Variants in UBE2C observed in about 807,000 individuals in gnomAD.
The protein encoded by UBE2C is ubiquitin-conjugating enzyme E2 C.
A neutral mutation model predicts 23.5 loss-of-function variants in UBE2C; 16 were observed. The ratio of observed to expected loss-of-function variants is 0.68; its 90% CI spans 0.46 to 1.03. The LOEUF is 1.03. Among genes scored for constraint, UBE2C ranks in the 50% least tolerant of loss-of-function variants. UBE2C has a pLI of 0.00. For synonymous variants in UBE2C, 76 were observed against 91.6 expected (o/e 0.83, Z 0.97); for missense variants, 192 against 227.6 (o/e 0.84, Z 1.01).
At chr20:45,816,073 A>G (rs972977900) in intron 5 of UBE2C, among the ~76,000 whole-genome samples, 160 bp downstream of exon 5, 5 of 152,192 alleles carry the variant, frequency 3.3e-5, no homozygotes, top group Non-Finnish European at 2.9e-5. Context: ...CCTATTTGCT[A>G]TAAAATAGCA....
chr20:45,814,053 C>G (rs964118005), intron 2 of UBE2C, among the ~76,000 whole-genome samples: 1 of 151,262 alleles, frequency 6.6e-6, no homozygotes, highest in Non-Finnish European at 1.5e-5. Context: ...TGCGGTGAGC[C>G]GAGCGCACCA....
At chr20:45,812,918 G>A in intron 1 of UBE2C, 122 bp downstream of exon 1, 3 of 1,443,436 alleles carry the variant, frequency 2.1e-6, no homozygotes, top group Admixed American at 5.3e-5. Flanking sequence ...GCGGGTGCAG[G>A]AGAACACACC....
Position 45,814,271 on chromosome 20 carries a change from C to CATATATATAT in UBE2C, c.130-93_130-84dup, listed in dbSNP as rs3080107. 371 of 391,436 alleles carry CATATATATAT rather than the reference C, an allele frequency of 9.5e-4. 5 individuals are homozygous for CATATATATAT. Among genetic ancestry groups the CATATATATAT allele is most frequent in the Middle Eastern group, 4.4e-3 (5 of 1,138 alleles). 24.2% of individuals were successfully genotyped at this position (391,436 alleles called of 1,614,324 possible). A position where few individuals can be genotyped will look rare whatever the true frequency, so the allele number is the denominator to read the frequency against. On this transcript the variant is annotated intron_variant, in intron 2 of 5. Coordinates refer to ENST00000356455, the MANE Select transcript of UBE2C (RefSeq NM_007019.4). ...ATATATGTGTGTGTGTGTATGTGAG[C>CATATATATAT]ATATATATATATATATATATATATA...
In UBE2C at chr20:45,815,657, TA is replaced by T. The variant is rs759441937; in HGVS notation, c.335del (p.Asn112ThrfsTer7). The T allele has an allele frequency of 1.9e-6, 3 of 1,613,888 alleles. No individual in the cohort carries two copies. The African/African-American group carries it at 4.0e-5, about 22-fold the overall frequency. Reference protein sequence around the residue: ...CYHPNVDTQGNICLDILKEKW... With the variant: ...CYHPNVDTQGXICLDILKEKW... Reference sequence around the variant, plus strand: ...ATCACCCCAACGTGGACACCCAGGGTAACATATGCCTGGACATCCTGAAGGA... The same window carrying T: ...ATCACCCCAACGTGGACACCCAGGGTACATATGCCTGGACATCCTGAAGGA... On this transcript the variant is annotated frameshift_variant, in exon 4 of 6. Transcript: ENST00000356455. LOFTEE classifies it high-confidence loss of function.
intron 2 of UBE2C, 100 bp from the exon 3 acceptor site, chr20:45,814,284 A>ATG: frequency 9.7e-6 from 1 of 103,046 alleles, no homozygotes; most frequent in South Asian, 1.9e-4. Context: ...ATATATATAT[A>ATG]TATATATATA....
intron 2 of UBE2C, among the ~76,000 whole-genome samples, chr20:45,814,128 ATCTCTC>A (rs10644383): frequency 2.1e-5 from 3 of 140,978 alleles, no homozygotes; most frequent in African/African-American, 5.6e-5. Flanking sequence ...CTCTCTCTCA[ATCTCTC>A]TCTCTCTCTC....
Position 45,814,146 on chromosome 20 carries a change from C to CTATATATA in UBE2C, c.130-230_130-223dup, listed in dbSNP as rs1555817446. Among the ~76,000 whole-genome samples the CTATATATA allele has an allele frequency of 9.7e-5, 13 of 133,896 alleles. 1 individual carries two copies. Among genetic ancestry groups the CTATATATA allele is most frequent in the African/African-American group, 3.5e-4 (13 of 36,672 alleles). 87.8% of individuals were successfully genotyped at this position (133,896 alleles called of 152,430 possible). A position where few individuals can be genotyped will look rare whatever the true frequency, so the allele number is the denominator to read the frequency against. ...TCTCTCAATCTCTCTCTCTCTCTCT[C>CTATATATA]TATATATATATATATGTAAATATAT... On this transcript the variant is annotated intron_variant, in intron 2 of 5. Transcript: ENST00000356455.
At chr20:45,815,936 C>CA (rs1982506698) in intron 5 of UBE2C, 23 bp downstream of exon 5, 1 of 1,612,808 alleles carries the variant, frequency 6.2e-7, no homozygotes, top group Non-Finnish European at 8.5e-7. Flanking sequence ...TCCTTGAGCC[C>CA]AGGGTGATCC....
Position 45,813,160 on chromosome 20 carries a change from G to A in UBE2C, c.102-277G>A, listed in dbSNP as rs1982086826. 45 of 1,408,096 alleles carry A rather than the reference G, an allele frequency of 3.2e-5. No homozygotes were observed. In the South Asian group the frequency reaches 7.3e-4, roughly 23 times the overall value. 87.2% of individuals were successfully genotyped at this position (1,408,096 alleles called of 1,614,324 possible). On this transcript the variant is annotated intron_variant, in intron 1 of 5. Transcript: ENST00000356455. ...GACCCTCGTGACTTGGCCGAGACAGGGGAAGGGAGAAGTTGAGTCGGGCAA... is the reference window on the plus strand; with the variant it reads ...GACCCTCGTGACTTGGCCGAGACAGAGGAAGGGAGAAGTTGAGTCGGGCAA...
chr20:45,812,914 G>A (rs978369708), intron 1 of UBE2C, 118 bp downstream of exon 1: 1 of 1,442,330 alleles, frequency 6.9e-7, no homozygotes, highest in Non-Finnish European at 9.1e-7. Flanking sequence ...ATCTGCGGGT[G>A]CAGGAGAACA....
intron 5 of UBE2C, among the ~76,000 whole-genome samples, chr20:45,816,291 T>TTCACCTC: frequency 6.6e-6 from 1 of 152,242 alleles, no homozygotes; most frequent in East Asian, 1.9e-4. Flanking sequence ...CAGCCCCTCC[T>TTCACCTC]CCACCTCCTC....
intron 3 of UBE2C, among the ~76,000 whole-genome samples, chr20:45,814,998 C>T (rs1024798903): frequency 2.5e-4 from 38 of 151,500 alleles, no homozygotes; most frequent in Admixed American, 2.2e-3. Context: ...CCACCACGCC[C>T]GGCTAATTTT....
intron 2 of UBE2C, among the ~76,000 whole-genome samples, chr20:45,814,144 CTCTATA>C (rs1455413492): frequency 6.2e-5 from 9 of 144,128 alleles, no homozygotes; most frequent in Non-Finnish European, 1.2e-4. Context: ...CTCTCTCTCT[CTCTATA>C]TATATATATA....
chr20:45,814,146 C>CTCTCTCTCTCTCTCTCTA (rs1158772080), intron 2 of UBE2C, among the ~76,000 whole-genome samples: 1 of 133,952 alleles, frequency 7.5e-6, no homozygotes, highest in African/African-American at 2.7e-5. Flanking sequence ...CTCTCTCTCT[C>CTCTCTCTCTCTCTCTCTA]TATATATATA....
At chr20:45,816,084 A>G (rs1982523770) in intron 5 of UBE2C, among the ~76,000 whole-genome samples, 171 bp downstream of exon 5, 2 of 152,198 alleles carry the variant, frequency 1.3e-5, no homozygotes, top group African/African-American at 2.4e-5. Context: ...TAAAATAGCA[A>G]TTGTTTTATA....
At chr20:45,816,045 T>C in intron 5 of UBE2C, 132 bp downstream of exon 5, 1 of 830,814 alleles carries the variant, frequency 1.2e-6, no homozygotes, top group Non-Finnish European at 1.9e-6. Flanking sequence ...AACCCACTTC[T>C]GTTTCTGCCC....
Position 45,815,879 on chromosome 20 carries a change from C to A in UBE2C, c.447C>A (p.Asn149Lys). Reference sequence around the variant, plus strand: ...AACCCAACATTGATAGTCCCTTGAACACACATGCTGCCGAGCTCTGGAAAA... The same window carrying A: ...AACCCAACATTGATAGTCCCTTGAAAACACATGCTGCCGAGCTCTGGAAAA... ...LGEPNIDSPL[N>K]THAAELWKNP... Residue 149 changes from asparagine (N) to lysine (K), a missense_variant, in exon 5 of 6, where the codon AAC becomes AAA. Transcript: ENST00000356455. 6.2e-7 allele frequency: 1 copy of A among 1,614,092 alleles called. No individual in the cohort carries two copies. Among genetic ancestry groups the A allele is most frequent in the South Asian group, 1.1e-5 (1 of 91,070 alleles).
intron 1 of UBE2C, chr20:45,813,179 C>A: frequency 2.8e-6 from 4 of 1,408,198 alleles, no homozygotes; most frequent in Non-Finnish European, 1.8e-6. Context: ...GAAGTTGAGT[C>A]GGGCAAGGAA....
At chr20:45,814,574 C>A in intron 3 of UBE2C, 104 bp downstream of exon 3, 1 of 822,408 alleles carries the variant, frequency 1.2e-6, no homozygotes, top group African/African-American at 1.8e-5. Flanking sequence ...GACACTCCTC[C>A]TGTGACTGTT....
Sources: allele counts gnomAD v4.1 joint callset (sites outside exome capture counted in the v4.1 genomes callset), GRCh38; gene constraint gnomAD v4.1.1; transcripts MANE v1.5; gene names NCBI Gene and HGNC (gene_info 2026-07-23, HGNC 2026-07-21).